The following NAA38 variants were observed in gnomAD, a reference collection of about 807,000 sequenced individuals.
NAA38 encodes the protein LSM domain containing 1.
NAA38 carries 15 observed loss-of-function variants against 12.6 expected under a neutral mutation model. That is an observed-to-expected ratio of 1.19 (90% CI 0.79 to 1.83). The LOEUF (loss-of-function observed/expected upper bound fraction) is 1.83, where lower values mean the gene tolerates loss of function less well. Among genes scored for constraint, NAA38 ranks in the 40% most tolerant of loss-of-function variants. NAA38 has a pLI of 0.00. For synonymous variants in NAA38, 88 were observed against 69.9 expected (o/e 1.26, Z -1.29); for missense variants, 183 against 171.7 (o/e 1.07, Z -0.37).
chr17:7,885,107 C>T lies in NAA38; in HGVS notation c.-167+58G>A, dbSNP rs1396674300. The T allele has an allele frequency of 2.7e-5, 27 of 983,548 alleles. No individual in the cohort carries two copies. In the African/African-American group the frequency reaches 4.4e-4, roughly 16 times the overall value. 60.9% of individuals were successfully genotyped at this position (983,548 alleles called of 1,614,324 possible). A position where few individuals can be genotyped will look rare whatever the true frequency, so the allele number is the denominator to read the frequency against. ...AGGTAAGCGCCCGCCCCGACTCCCC[C>T]CCCAAGCCCGAGTGGGAGCCGCGGG... On this transcript the variant is annotated intron_variant, in intron 1 of 4. Transcript: ENST00000576861.
chr17:7,857,002 C>G lies in NAA38; in HGVS notation c.265+13G>C. 2.5e-6 allele frequency: 4 copies of G among 1,599,666 alleles called. No individual in the cohort carries two copies. The highest frequency in any genetic ancestry group is 3.4e-6 in the Non-Finnish European group (4 of 1,169,970). ...CACATTACCAGGCGGGTGTGCATTCCCCGGGCACTGACCCGACGGCTTGAG... is the reference window on the plus strand; with the variant it reads ...CACATTACCAGGCGGGTGTGCATTCGCCGGGCACTGACCCGACGGCTTGAG... On this transcript the variant is annotated intron_variant, in intron 2 of 2. Coordinates refer to ENST00000575771, the MANE Select transcript of NAA38 (RefSeq NM_001320925.4).
At chr17:7,873,588 C>T (rs1967124021) in intron 2 of NAA38, among the ~76,000 whole-genome samples, 1 of 152,032 alleles carries the variant, frequency 6.6e-6, no homozygotes, top group East Asian at 1.9e-4. Flanking sequence ...TTTAATGTGA[C>T]TGGGAAAGAG....
chr17:7,880,137 T>C (rs1967245766), intron 2 of NAA38, among the ~76,000 whole-genome samples: 2 of 152,094 alleles, frequency 1.3e-5, no homozygotes, highest in African/African-American at 2.4e-5. Context: ...ATCACATACA[T>C]TACTGCAGGC....
upstream of NAA38, chr17:7,858,256 G>A: frequency 6.2e-7 from 1 of 1,614,030 alleles, no homozygotes; most frequent in Non-Finnish European, 8.5e-7. Context: ...TACCTGGGAC[G>A]CGTGTACGAC....
At chr17:7,866,253 ATTTTTTTTTT>A (rs56289148) in intron 3 of NAA38, among the ~76,000 whole-genome samples, 6 of 90,568 alleles carry the variant, frequency 6.6e-5, no homozygotes, top group African/African-American at 1.3e-4. Flanking sequence ...AGCCCGGCTA[ATTTTTTTTTT>A]TTTTTTTTTT....
intron 2 of NAA38, among the ~76,000 whole-genome samples, chr17:7,871,374 G>A (rs1220384008): frequency 2.0e-5 from 3 of 152,206 alleles, no homozygotes; most frequent in East Asian, 1.9e-4. Context: ...CCTGGATGCA[G>A]AGTAAAACTC....
intron 2 of NAA38, among the ~76,000 whole-genome samples, chr17:7,873,747 A>G (rs983098128): frequency 1.3e-5 from 2 of 152,312 alleles, no homozygotes; most frequent in East Asian, 3.9e-4. Flanking sequence ...AAATATGGAT[A>G]GAGTTAAACA....
chr17:7,883,312 G>A (rs907129399), exon 2 of NAA38: 2 of 152,174 alleles, frequency 1.3e-5, no homozygotes, highest in Non-Finnish European at 2.9e-5. Context: ...TAGTGTTGGA[G>A]ATCATGGAGG....
intron 2 of NAA38, among the ~76,000 whole-genome samples, chr17:7,877,632 TG>T (rs1567818868): frequency 6.6e-6 from 1 of 152,208 alleles, no homozygotes; most frequent in Non-Finnish European, 1.5e-5. Flanking sequence ...TGAATAGCTC[TG>T]TAATGTCACC....
intron 2 of NAA38, among the ~76,000 whole-genome samples, chr17:7,871,900 C>T (rs915388304): frequency 5.9e-5 from 9 of 152,252 alleles, no homozygotes; most frequent in East Asian, 1.9e-4. Flanking sequence ...AGTGACCCAC[C>T]CACCTCGGCT....
At chr17:7,858,799 T>C, upstream of NAA38, 1 of 1,563,942 alleles carries the variant, frequency 6.4e-7, no homozygotes, top group Non-Finnish European at 8.7e-7. Flanking sequence ...ATTAACACGC[T>C]CACGTCGCAG....
intron 2 of NAA38, among the ~76,000 whole-genome samples, chr17:7,879,262 T>C (rs1018970887): frequency 1.3e-5 from 2 of 152,156 alleles, no homozygotes; most frequent in African/African-American, 4.8e-5. Flanking sequence ...CTTTAACATA[T>C]CCTTGGGTAG....
chr17:7,856,979 C>A, intron 2 of NAA38, 36 bp downstream of exon 2: 1 of 1,591,568 alleles, frequency 6.3e-7, no homozygotes, highest in Non-Finnish European at 8.6e-7. Context: ...GGTTCCGCCA[C>A]ATTACCAGGC....
At chr17:7,862,941 A>C (rs980337764), upstream of NAA38, 2 of 152,132 alleles carry the variant, frequency 1.3e-5, no homozygotes, top group Non-Finnish European at 2.9e-5. Flanking sequence ...GGGAAGGACA[A>C]GAAAACAAGG....
intron 1 of NAA38, chr17:7,884,847 AG>A: frequency 1.1e-5 from 12 of 1,049,048 alleles, no homozygotes; most frequent in South Asian, 6.7e-5. Context: ...GAGGAGGAGG[AG>A]ATGGTGGTGT....
At chr17:7,857,672 T>C (rs2078839834), upstream of NAA38, 4 of 1,332,522 alleles carry the variant, frequency 3.0e-6, no homozygotes, top group Middle Eastern at 5.6e-4. Context: ...GCCGGATGTC[T>C]TAAGATATCG....
At chr17:7,879,545 T>C (rs1291665821) in intron 2 of NAA38, among the ~76,000 whole-genome samples, 1 of 152,170 alleles carries the variant, frequency 6.6e-6, no homozygotes, top group African/African-American at 2.4e-5. Flanking sequence ...AATAATCTTA[T>C]TCTTGGCTTG....
At position 7,884,999 on chromosome 17, in the gene NAA38, C is replaced by T. The variant is rs758866327; in HGVS notation, c.-167+166G>A. On this transcript the variant is annotated intron_variant, in intron 1 of 4. Coordinates refer to the NAA38 transcript ENST00000576861. ...GGGCCACGACCGGGGCCGCGACCGC[C>T]ACAGCCCCCCCGGCTGCCACCTCTT... 2.8e-5 allele frequency: 35 copies of T among 1,245,632 alleles called. No individual in the cohort carries two copies. The South Asian group carries it at 8.0e-4, about 28-fold the overall frequency. 77.2% of individuals were successfully genotyped at this position (1,245,632 alleles called of 1,614,324 possible).
upstream of NAA38, chr17:7,857,772 T>C (rs2078841443): frequency 7.9e-7 from 1 of 1,272,314 alleles, no homozygotes; most frequent in Non-Finnish European, 9.9e-7. Context: ...TCCCTTGTTT[T>C]TCTGTCTCAG....
Sources: allele counts gnomAD v4.1 joint callset (sites outside exome capture counted in the v4.1 genomes callset), GRCh38; gene constraint gnomAD v4.1.1; transcripts MANE v1.5; gene names NCBI Gene and HGNC (gene_info 2026-07-23, HGNC 2026-07-21).